The following GPAM variants were observed in gnomAD, a reference collection of about 807,000 sequenced individuals.
The protein encoded by GPAM is glycerol-3-phosphate acyltransferase, mitochondrial.
In GPAM, 56 loss-of-function variants were observed where a neutral mutation model predicts 105.0. That is an observed-to-expected ratio of 0.53 (90% CI 0.43 to 0.67). GPAM has a LOEUF of 0.67. Ranked by LOEUF, GPAM falls within the 30% of genes least tolerant of loss-of-function variation. The pLI is 0.00. For synonymous variants in GPAM, 368 were observed against 354.4 expected, an observed-to-expected ratio of 1.04 and a Z score of -0.43; for missense variants, 855 against 989.8, an observed-to-expected ratio of 0.86 and a Z score of 1.83.
At chr10:112,212,941 T>C (rs1432729345) in intron 1 of GPAM, among the ~76,000 whole-genome samples, 1 of 152,228 alleles carries the variant, frequency 6.6e-6, no homozygotes. Context: ...CGAAAGCCTG[T>C]AAGTGCTTAA....
At chr10:112,184,071 A>G (rs912245502), upstream of GPAM, among the ~76,000 whole-genome samples, 2 of 152,150 alleles carry the variant, frequency 1.3e-5, no homozygotes, top group Non-Finnish European at 2.9e-5. Context: ...GTGGGCTATC[A>G]GGTTATGTGT....
intron 1 of GPAM, among the ~76,000 whole-genome samples, chr10:112,213,592 TG>T (rs1847936503): frequency 6.6e-6 from 1 of 152,136 alleles, no homozygotes; most frequent in Non-Finnish European, 1.5e-5. Flanking sequence ...TAAGACAATA[TG>T]GTTAGTGGTC....
chr10:112,218,369 TTCA>T (rs1847991193), upstream of GPAM, among the ~76,000 whole-genome samples: 1 of 152,172 alleles, frequency 6.6e-6, no homozygotes, highest in Non-Finnish European at 1.5e-5. Flanking sequence ...TGGAGAGGAC[TTCA>T]CTGAAGGCTC....
At chr10:112,165,724 T>C (rs1213530024) in intron 12 of GPAM, among the ~76,000 whole-genome samples, 1 of 151,924 alleles carries the variant, frequency 6.6e-6, no homozygotes, top group Non-Finnish European at 1.5e-5. Context: ...TTAGGGGAGG[T>C]GTTTGGAAAA....
chr10:112,188,372 C>T (rs1209367810), upstream of GPAM, among the ~76,000 whole-genome samples: 1 of 152,138 alleles, frequency 6.6e-6, no homozygotes, highest in African/African-American at 2.4e-5. Context: ...TCTGTATACA[C>T]AGTAATACAG....
chr10:112,171,793 A>G (rs1847317632), intron 9 of GPAM, among the ~76,000 whole-genome samples: 1 of 152,204 alleles, frequency 6.6e-6, no homozygotes, highest in African/African-American at 2.4e-5. Context: ...GGTCAAAGTA[A>G]CAGGTATGGT....
In GPAM at chr10:112,155,847, A is replaced by C. The variant is rs200824436; in HGVS notation, c.2311+17T>G. The C allele has an allele frequency of 8.5e-4, 1,267 of 1,486,410 alleles. 2 individuals are homozygous for C. Among genetic ancestry groups the C allele is most frequent in the Middle Eastern group, 1.1e-3 (5 of 4,626 alleles). The allele number at this position is 1,486,410 out of a possible 1,614,324, so 92.1% of individuals were successfully genotyped here. On this transcript the variant is annotated intron_variant, in intron 20 of 21. Coordinates refer to ENST00000348367, the MANE Select transcript of GPAM (RefSeq NM_001244949.2). ...AAAAAAAAAGATTTTAAAAGAATAAATAGTGACTTAACATACCATATACTG... is the reference window on the plus strand; with the variant it reads ...AAAAAAAAAGATTTTAAAAGAATAACTAGTGACTTAACATACCATATACTG...
At chr10:112,209,413 C>A (rs1847886915) in intron 1 of GPAM, among the ~76,000 whole-genome samples, 1 of 152,008 alleles carries the variant, frequency 6.6e-6, no homozygotes. Flanking sequence ...CCAGCGGGCT[C>A]AGCCTGAGCA....
intron 1 of GPAM, among the ~76,000 whole-genome samples, chr10:112,201,586 T>A (rs572334132): frequency 6.6e-6 from 1 of 152,342 alleles, no homozygotes; most frequent in South Asian, 2.1e-4. Context: ...CCCAGGACAT[T>A]CCTTCTGCAG....
chr10:112,180,223 T>C (rs1183696338), intron 4 of GPAM, among the ~76,000 whole-genome samples: 1 of 152,154 alleles, frequency 6.6e-6, no homozygotes, highest in Non-Finnish European at 1.5e-5. Context: ...TAAGATCTAC[T>C]CTCCCCCTTA....
chr10:112,170,958 G>A (rs182674467), intron 9 of GPAM, among the ~76,000 whole-genome samples: 153 of 152,264 alleles, frequency 1.0e-3, no homozygotes, highest in Admixed American at 2.6e-3. Flanking sequence ...TTAAGAAGGA[G>A]CTCCTTAGAC....
At chr10:112,201,861 T>C (rs1274501939) in intron 1 of GPAM, among the ~76,000 whole-genome samples, 2 of 152,190 alleles carry the variant, frequency 1.3e-5, no homozygotes, top group African/African-American at 2.4e-5. Context: ...ACCAAATATA[T>C]ATTTGTTGGA....
At position 112,153,566 on chromosome 10, in the gene GPAM, C is replaced by T; in HGVS notation, c.2471G>A (p.Ser824Asn). 3 of 1,614,010 alleles carry T rather than the reference C, an allele frequency of 1.9e-6. No homozygotes were observed. Among genetic ancestry groups the T allele is most frequent in the Non-Finnish European group, 2.5e-6 (3 of 1,179,910 alleles). ...ACACGTTACCTACAGCACCACAAAA[C>T]TCAGAATATATTCTAGAAGTTTTTG... Reference protein sequence around the residue: ...NRQKLLEYILSFVVL With the variant: ...NRQKLLEYILNFVVL The change falls in exon 22 of 22, where the codon AGT becomes AAT. Residue 824 changes from serine (S) to asparagine (N), a missense_variant. By Grantham distance (46) the Ser-to-Asn change is conservative. Coordinates refer to ENST00000348367, the MANE Select transcript of GPAM (RefSeq NM_001244949.2).
the GPAM span, among the ~76,000 whole-genome samples, chr10:112,220,398 G>A: frequency 7.1e-6 from 1 of 141,782 alleles, no homozygotes; most frequent in African/African-American, 2.7e-5. Flanking sequence ...AGGCAAAATG[G>A]AACCACTGGG....
intron 6 of GPAM, among the ~76,000 whole-genome samples, chr10:112,175,058 C>T (rs1847379134): frequency 6.6e-6 from 1 of 152,116 alleles, no homozygotes; most frequent in South Asian, 2.1e-4. Context: ...TTCACCCAAA[C>T]TCCCATATTC....
chr10:112,187,531 T>C (rs975662128), upstream of GPAM, among the ~76,000 whole-genome samples: 12 of 152,270 alleles, frequency 7.9e-5, no homozygotes, highest in Admixed American at 5.9e-4. Context: ...TATTTATTCC[T>C]CTAATACAGC....
intron 18 of GPAM, 121 bp from the exon 19 acceptor site, chr10:112,157,510 A>T: frequency 1.1e-6 from 1 of 873,968 alleles, no homozygotes; most frequent in Admixed American, 2.0e-5. Context: ...CTGTTTAGCC[A>T]CTCATAATGT....
chr10:112,211,162 G>A (rs1275612009), intron 1 of GPAM, among the ~76,000 whole-genome samples: 1 of 152,174 alleles, frequency 6.6e-6, no homozygotes, highest in African/African-American at 2.4e-5. Flanking sequence ...AAGTAGGAGG[G>A]AGGTGCTGAG....
intron 9 of GPAM, among the ~76,000 whole-genome samples, chr10:112,171,320 C>T (rs1008218343): frequency 6.6e-6 from 1 of 152,140 alleles, no homozygotes; most frequent in Admixed American, 6.6e-5. Context: ...CTACTAAGTA[C>T]TTTTTAAATC....
Sources: allele counts gnomAD v4.1 joint callset (sites outside exome capture counted in the v4.1 genomes callset), GRCh38; gene constraint gnomAD v4.1.1; transcripts MANE v1.5; gene names NCBI Gene and HGNC (gene_info 2026-07-23, HGNC 2026-07-21).